PSD3: variants seen among roughly 807,000 people sequenced by gnomAD.
The protein encoded by PSD3 is PH and SEC7 domain-containing protein 3.
PSD3 carries 49 observed loss-of-function variants against 105.5 expected under a neutral mutation model. The observed-to-expected ratio is 0.46, with a 90% CI of 0.37 to 0.59. The LOEUF is 0.59. PSD3 is among the 20% of genes least tolerant of loss of function. The pLI is 0.00. For synonymous variants in PSD3, 557 were observed against 457.8 expected (o/e 1.22, Z -2.77); for missense variants, 1,561 against 1,263.8 (o/e 1.24, Z -3.57).
chr8:18,633,322 C>T (rs913471795), intron 10 of PSD3, among the ~76,000 whole-genome samples: 2 of 151,990 alleles, frequency 1.3e-5, no homozygotes, highest in African/African-American at 4.8e-5. Context: ...CCAGGCTAGT[C>T]CCTAATATTA....
intron 9 of PSD3, among the ~76,000 whole-genome samples, chr8:18,741,420 T>C (rs2034525764): frequency 6.6e-6 from 1 of 152,224 alleles, no homozygotes. Flanking sequence ...GTTACCATGA[T>C]GATCTCAACT....
At chr8:18,843,346 AAG>A (rs1554519252) in intron 4 of PSD3, among the ~76,000 whole-genome samples, 2 of 152,068 alleles carry the variant, frequency 1.3e-5, no homozygotes, top group South Asian at 2.1e-4. Flanking sequence ...AAAAAAAAAA[AAG>A]AGTTATTGCT....
intron 9 of PSD3, among the ~76,000 whole-genome samples, chr8:18,715,951 C>G (rs6986998): frequency 0.2 from 30,443 of 152,142 alleles, 5,831 homozygotes; most frequent in African/African-American, 0.48. Flanking sequence ...AGTGAGGGAG[C>G]TGGCTAACAA....
chr8:18,563,279 C>T (rs984656538), intron 14 of PSD3, among the ~76,000 whole-genome samples: 1 of 152,050 alleles, frequency 6.6e-6, no homozygotes, highest in Non-Finnish European at 1.5e-5. Flanking sequence ...TTTTATAATG[C>T]CCACAAAACC....
intron 1 of PSD3, among the ~76,000 whole-genome samples, chr8:19,021,954 G>A (rs1365820454): frequency 2.6e-5 from 4 of 152,182 alleles, no homozygotes; most frequent in Non-Finnish European, 4.4e-5. Context: ...AAGAAAAGAG[G>A]TTTAATTGGA....
At chr8:18,810,161 G>A (rs1367122264) in intron 4 of PSD3, among the ~76,000 whole-genome samples, 1 of 152,116 alleles carries the variant, frequency 6.6e-6, no homozygotes, top group Non-Finnish European at 1.5e-5. Flanking sequence ...GCCAAATTCT[G>A]TGAACTCTTA....
intron 9 of PSD3, among the ~76,000 whole-genome samples, chr8:18,679,756 T>C (rs561372542): frequency 2.7e-4 from 41 of 152,310 alleles, no homozygotes; most frequent in Middle Eastern, 3.4e-3. Flanking sequence ...AACAGGCCAA[T>C]GTTTCACTAT....
intron 1 of PSD3, among the ~76,000 whole-genome samples, chr8:19,068,361 C>G (rs1214877089): frequency 6.6e-6 from 1 of 151,658 alleles, no homozygotes; most frequent in Non-Finnish European, 1.5e-5. Context: ...ATGATCCTGA[C>G]TCACTGTAGC....
intron 10 of PSD3, among the ~76,000 whole-genome samples, chr8:18,647,466 G>C (rs80278216): frequency 5.9e-5 from 9 of 152,292 alleles, no homozygotes; most frequent in African/African-American, 2.2e-4. Context: ...ATTATTCCAC[G>C]ATGCAAAGTT....
intron 14 of PSD3, among the ~76,000 whole-genome samples, chr8:18,565,933 C>A (rs748450899): frequency 1.1e-4 from 17 of 152,064 alleles, no homozygotes; most frequent in Non-Finnish European, 1.9e-4. Context: ...CTACAATTCA[C>A]AGAGGCCCTC....
intron 8 of PSD3, among the ~76,000 whole-genome samples, chr8:18,772,009 C>T (rs1242757145): frequency 1.3e-5 from 2 of 152,202 alleles, no homozygotes; most frequent in Admixed American, 1.3e-4. Flanking sequence ...GCTTATTTCA[C>T]TTAGCATAAT....
intron 15 of PSD3, among the ~76,000 whole-genome samples, chr8:18,544,719 G>A (rs1345491346): frequency 6.6e-6 from 1 of 152,122 alleles, no homozygotes; most frequent in Admixed American, 6.6e-5. Context: ...GCACAGTCCA[G>A]GAGGCCTGGG....
chr8:18,565,404 A>C (rs1172111257), intron 14 of PSD3, among the ~76,000 whole-genome samples: 14 of 152,198 alleles, frequency 9.2e-5, no homozygotes, highest in Admixed American at 9.2e-4. Context: ...TGAAAAACAA[A>C]GAAGGCGACT....
intron 2 of PSD3, among the ~76,000 whole-genome samples, chr8:18,929,255 A>AC (rs1191236190): frequency 6.6e-6 from 1 of 151,474 alleles, no homozygotes; most frequent in Non-Finnish European, 1.5e-5. Flanking sequence ...ACAGTGCTAA[A>AC]AAAAAAAAGA....
intron 7 of PSD3, among the ~76,000 whole-genome samples, chr8:18,799,976 G>A (rs1254531909): frequency 6.6e-6 from 1 of 152,164 alleles, no homozygotes; most frequent in East Asian, 1.9e-4. Context: ...ATTTTCAAAA[G>A]TAAGTTCTTT....
intron 8 of PSD3, among the ~76,000 whole-genome samples, chr8:18,792,618 G>A (rs1233147621): frequency 6.6e-6 from 1 of 152,160 alleles, no homozygotes; most frequent in South Asian, 2.1e-4. Context: ...TGAATGCCAG[G>A]CTTAATACCT....
rs756248977 is a variant in PSD3, at chr8:18,759,092, A to ACACACACACACACACACACACACACT, written c.2172+6356_2172+6357insAGTGTGTGTGTGTGTGTGTGTGTGTG. Among the ~76,000 whole-genome samples, 40 of 143,950 alleles carry ACACACACACACACACACACACACACT rather than the reference A, an allele frequency of 2.8e-4. No homozygotes were observed. In the South Asian group the frequency reaches 6.2e-3, roughly 22 times the overall value. 94.4% of individuals were successfully genotyped at this position (143,950 alleles called of 152,430 possible). A position where few individuals can be genotyped will look rare whatever the true frequency, so the allele number is the denominator to read the frequency against. ...TAACCCATTCTTCACACACACACAC[A>ACACACACACACACACACACACACACT]CTCTCTCTCTCTCTCTCTCTCTCTT... On this transcript the variant is annotated intron_variant, in intron 9 of 15. Coordinates refer to ENST00000327040, the MANE Select transcript of PSD3 (RefSeq NM_015310.4).
chr8:18,752,429 A>G (rs1805566462), intron 9 of PSD3, among the ~76,000 whole-genome samples: 1 of 135,368 alleles, frequency 7.4e-6, no homozygotes, highest in Admixed American at 8.8e-5. Context: ...AAGCAATACC[A>G]CCATCTAATC....
chr8:18,818,192 T>C (rs979088281), intron 4 of PSD3, among the ~76,000 whole-genome samples: 1 of 152,156 alleles, frequency 6.6e-6, no homozygotes, highest in African/African-American at 2.4e-5. Context: ...TGACCTCTGG[T>C]GATCCATCCG....
Sources: gnomAD v4.1 joint callset for allele counts (sites outside exome capture counted in the v4.1 genomes callset) on GRCh38, gnomAD v4.1.1 for gene constraint, MANE v1.5 for transcripts, NCBI Gene and HGNC (gene_info 2026-07-23, HGNC 2026-07-21) for gene names.